Variants in SYCP1 observed in about 807,000 individuals in gnomAD.
SYCP1 encodes synaptonemal complex protein 1, also known as cancer/testis antigen 8.
A neutral mutation model predicts 153.1 loss-of-function variants in SYCP1; 64 were observed. That is an observed-to-expected ratio of 0.42 (90% CI 0.34 to 0.51). The LOEUF is 0.51. Ranked by LOEUF, SYCP1 falls within the 20% of genes least tolerant of loss-of-function variation. The pLI is 0.06. For synonymous variants in SYCP1, 384 were observed against 341.8 expected, an observed-to-expected ratio of 1.12 and a Z score of -1.36; for missense variants, 997 against 1,049.0, an observed-to-expected ratio of 0.95 and a Z score of 0.68.
intron 23 of SYCP1, among the ~76,000 whole-genome samples, chr1:114,927,309 A>G (rs993827217): frequency 1.3e-5 from 2 of 152,166 alleles, no homozygotes; most frequent in Non-Finnish European, 2.9e-5. Flanking sequence ...GGAGAAAGGT[A>G]CAAAAATATT....
chr1:114,968,279 A>G lies in SYCP1; in HGVS notation c.2323-9278A>G, dbSNP rs548046265. 1.5e-4 allele frequency among the ~76,000 whole-genome samples: 23 copies of G among 152,316 alleles called. No individual in the cohort carries two copies. The South Asian group carries it at 2.7e-3, about 18-fold the overall frequency. On this transcript the variant is annotated intron_variant, in intron 27 of 31. Transcript: ENST00000369522. ...ATAATATCCTGAAGTGTGTTTTCCAACTTGGTTCCATTCTCCCTGTCACTT... is the reference window on the plus strand; with the variant it reads ...ATAATATCCTGAAGTGTGTTTTCCAGCTTGGTTCCATTCTCCCTGTCACTT...
intron 27 of SYCP1, among the ~76,000 whole-genome samples, chr1:114,970,266 A>AT (rs371002107): frequency 8.6e-4 from 129 of 150,582 alleles, no homozygotes; most frequent in African/African-American, 2.5e-3. Flanking sequence ...AGAAGCTGTG[A>AT]TTTTTTTTTA....
At chr1:114,902,862 C>A (rs1290175505) in intron 16 of SYCP1, among the ~76,000 whole-genome samples, 2 of 152,028 alleles carry the variant, frequency 1.3e-5, no homozygotes, top group Non-Finnish European at 2.9e-5. Flanking sequence ...TAAGACAATT[C>A]ACTTACTCAT....
At chr1:114,980,636 T>A (rs1411864330) in intron 28 of SYCP1, among the ~76,000 whole-genome samples, 5 of 151,910 alleles carry the variant, frequency 3.3e-5, no homozygotes, top group Non-Finnish European at 5.9e-5. Flanking sequence ...TAGAATAGAT[T>A]TCCTTCTGAC....
intron 27 of SYCP1, among the ~76,000 whole-genome samples, chr1:114,971,052 G>T (rs1363345854): frequency 6.6e-6 from 1 of 152,154 alleles, no homozygotes; most frequent in Non-Finnish European, 1.5e-5. Context: ...CAGCCACATG[G>T]TGTTGTCTTT....
At chr1:114,973,543 G>A (rs968239842) in intron 27 of SYCP1, among the ~76,000 whole-genome samples, 1 of 151,976 alleles carries the variant, frequency 6.6e-6, no homozygotes, top group Non-Finnish European at 1.5e-5. Context: ...TAGTAATAGG[G>A]TGAGGAGCCA....
chr1:114,947,436 A>T, intron 27 of SYCP1, 116 bp downstream of exon 27: 4 of 714,156 alleles, frequency 5.6e-6, no homozygotes, highest in Non-Finnish European at 9.0e-6. Context: ...GGGATGAGAA[A>T]ATAATTTTCC....
At chr1:114,862,352 G>GTTT (rs67029711) in intron 8 of SYCP1, among the ~76,000 whole-genome samples, 1 of 140,344 alleles carries the variant, frequency 7.1e-6, no homozygotes, top group African/African-American at 2.6e-5. Context: ...TTTGTTCTTT[G>GTTT]TTTTTTTTTT....
intron 23 of SYCP1, among the ~76,000 whole-genome samples, chr1:114,933,496 C>T (rs914471510): frequency 2.0e-5 from 3 of 152,198 alleles, no homozygotes; most frequent in Non-Finnish European, 2.9e-5. Context: ...GCCTCTTCTC[C>T]TCCAAAGGAA....
At chr1:114,926,588 T>G (rs1234968946) in intron 23 of SYCP1, 25 bp downstream of exon 23, 1 of 1,551,194 alleles carries the variant, frequency 6.4e-7, no homozygotes, top group East Asian at 2.4e-5. Context: ...TATTTTTGTT[T>G]TTTAAATACT....
At chr1:114,879,607 A>C (rs1665777994) in intron 12 of SYCP1, among the ~76,000 whole-genome samples, 1 of 152,198 alleles carries the variant, frequency 6.6e-6, no homozygotes, top group Admixed American at 6.5e-5. Flanking sequence ...TGTAGTGCCC[A>C]GTATATGGTT....
At chr1:114,877,954 A>G (rs1665655572) in intron 11 of SYCP1, 140 bp from the exon 12 acceptor site, 1 of 521,868 alleles carries the variant, frequency 1.9e-6, no homozygotes, top group Middle Eastern at 5.4e-4. Context: ...GCTGCCAGGG[A>G]GTAGAGACCA....
chr1:114,895,466 C>G lies in SYCP1; in HGVS notation c.1277C>G (p.Thr426Arg). Residue 426 changes from threonine (T) to arginine (R), a missense_variant, in exon 16 of 32, where the codon ACA (threonine) becomes AGA (arginine). Around this residue, in one of 2 missense-constraint regions of SYCP1, gnomAD observed 712 missense variants for 682.9 expected, o/e 1.04. Transcript: ENST00000369522. ...ATTTTAGAAGAGATGACTAAGCTTA[C>G]AAATAACAAAGAAGTAGAACTTGAA... ...SSELEEMTKL[T>R]NNKEVELEEL... The G allele has an allele frequency of 6.6e-7, 1 of 1,525,932 alleles. No individual in the cohort carries two copies. Among genetic ancestry groups the G allele is most frequent in the Non-Finnish European group, 8.9e-7 (1 of 1,121,848 alleles). 94.5% of individuals were successfully genotyped at this position (1,525,932 alleles called of 1,614,324 possible).
At position 114,977,730 on chromosome 1, in the gene SYCP1, T is replaced by C. The variant is rs373508711; in HGVS notation, c.2382+114T>C. 1.3e-4 allele frequency: 81 copies of C among 632,672 alleles called. 1 individual carries two copies. The highest frequency in any genetic ancestry group is 1.1e-3 in the African/African-American group (59 of 51,976). 39.2% of individuals were successfully genotyped at this position (632,672 alleles called of 1,614,324 possible). A position where few individuals can be genotyped will look rare whatever the true frequency, so the allele number is the denominator to read the frequency against. ...ATAACATTTTACATATATCATACAA[T>C]TTCATTTTCTAAATTGTTTCTTGCT... On this transcript the variant is annotated intron_variant, in intron 28 of 31. Coordinates refer to ENST00000369522, the MANE Select transcript of SYCP1 (RefSeq NM_003176.4).
In SYCP1 at chr1:114,995,000, C is replaced by T. The variant is rs762624791; in HGVS notation, c.2912C>T (p.Ala971Val). The change falls in exon 32 of 32, where the codon GCT (alanine) becomes GTT (valine). Residue 971 changes from alanine to valine, a missense_variant. Ala to Val is a moderately conservative substitution (Grantham distance 64, BLOSUM62 0). Transcript: ENST00000369522. ...GATAGAAAAAAAAAACTAAAAGAAG[C>T]TGAAAAGTTATTTGTTTAATTTCAG... The part of the protein sequence containing the change: ...KMDRKKKLKE[A>V]EKLFV The T allele has an allele frequency of 1.8e-5, 28 of 1,598,996 alleles. No individual in the cohort carries two copies. The Middle Eastern group carries it at 7.1e-4, about 41-fold the overall frequency.
At chr1:114,863,881 CA>C (rs1664541832) in intron 8 of SYCP1, among the ~76,000 whole-genome samples, 1 of 147,672 alleles carries the variant, frequency 6.8e-6, no homozygotes, top group African/African-American at 2.5e-5. Context: ...AACAGAAAAC[CA>C]AACACCAAAT....
intron 5 of SYCP1, 48 bp from the exon 6 acceptor site, chr1:114,858,499 T>C: frequency 6.7e-7 from 1 of 1,485,166 alleles, no homozygotes; most frequent in Non-Finnish European, 9.1e-7. Flanking sequence ...TGTAGTTTGG[T>C]TATATTAGAA....
intron 27 of SYCP1, among the ~76,000 whole-genome samples, chr1:114,964,511 C>A (rs370431047): frequency 1.4e-4 from 21 of 151,808 alleles, no homozygotes; most frequent in African/African-American, 3.6e-4. Context: ...GGGTTTAGGT[C>A]TTAAGTTTAA....
chr1:114,976,801 G>T (rs1288797790), intron 27 of SYCP1, among the ~76,000 whole-genome samples: 1 of 151,756 alleles, frequency 6.6e-6, no homozygotes, highest in African/African-American at 2.4e-5. Flanking sequence ...TAGGAGCAAT[G>T]CTATGGGAGA....
Sources: allele counts gnomAD v4.1 joint callset (sites outside exome capture counted in the v4.1 genomes callset), GRCh38; gene constraint gnomAD v4.1.1; regional missense constraint gnomAD v4.1.1; transcripts MANE v1.5; gene names NCBI Gene and HGNC (gene_info 2026-07-23, HGNC 2026-07-21).